IL1RAPL1: variants seen among roughly 807,000 people sequenced by gnomAD.
IL1RAPL1 encodes interleukin-1 receptor accessory protein-like 1.
IL1RAPL1 carries 3 observed loss-of-function variants against 48.4 expected under a neutral mutation model. The ratio of observed to expected loss-of-function variants is 0.06; its 90% CI spans 0.03 to 0.16. The LOEUF (loss-of-function observed/expected upper bound fraction) is 0.16, where lower values mean the gene tolerates loss of function less well. IL1RAPL1 is among the 10% of genes least tolerant of loss of function. The pLI is 1.00. For synonymous variants in IL1RAPL1, 185 were observed against 187.7 expected, an observed-to-expected ratio of 0.99 and a Z score of 0.12; for missense variants, 349 against 530.6, an observed-to-expected ratio of 0.66 and a Z score of 3.36.
chrX:28,778,915 A>G (rs937838055), intron 1 of IL1RAPL1, among the ~76,000 whole-genome samples: 3 of 112,249 alleles, frequency 2.7e-5, no homozygotes, highest in African/African-American at 9.7e-5. Flanking sequence ...GTAATCATAC[A>G]TTATTGTATT....
intron 2 of IL1RAPL1, among the ~76,000 whole-genome samples, chrX:28,956,095 T>G (rs1271270225): frequency 6.5e-5 from 7 of 107,509 alleles, no homozygotes; most frequent in Non-Finnish European, 1.1e-4. Context: ...TGCTTGTGAT[T>G]TTTGTACATT....
intron 6 of IL1RAPL1, among the ~76,000 whole-genome samples, chrX:29,691,735 A>C (rs1926776830): frequency 1.1e-5 from 1 of 92,959 alleles, no homozygotes; most frequent in Non-Finnish European, 2.1e-5. Context: ...TGGGCGACAG[A>C]GCGAGACTCC....
At chrX:28,722,186 A>G in intron 1 of IL1RAPL1, among the ~76,000 whole-genome samples, 1 of 111,622 alleles carries the variant, frequency 9.0e-6, no homozygotes. Context: ...TACCTTGGGC[A>G]GTATGGCCAT....
At chrX:29,935,057 G>A (rs961972112) in intron 8 of IL1RAPL1, among the ~76,000 whole-genome samples, 1 of 110,614 alleles carries the variant, frequency 9.0e-6, no homozygotes, top group Non-Finnish European at 1.9e-5. Context: ...ATTTTTTATA[G>A]TTGTCCCTCA....
At chrX:29,683,016 A>G (rs1312180737) in intron 6 of IL1RAPL1, among the ~76,000 whole-genome samples, 2 of 112,282 alleles carry the variant, frequency 1.8e-5, no homozygotes, top group Admixed American at 1.9e-4. Context: ...AGGGGTTGAA[A>G]GAACAGTTAT....
chrX:28,669,196 T>C (rs774421920), intron 1 of IL1RAPL1, among the ~76,000 whole-genome samples: 70 of 111,705 alleles, frequency 6.3e-4, no homozygotes, highest in Non-Finnish European at 1.2e-3. Flanking sequence ...CTACTTTATT[T>C]CAGGCTCTTT....
At chrX:29,336,269 C>CAT (rs57126796) in intron 3 of IL1RAPL1, among the ~76,000 whole-genome samples, 20,084 of 57,340 alleles carry the variant, frequency 0.35, 3,685 homozygotes, top group East Asian at 0.57. Flanking sequence ...ATATATATGC[C>CAT]ATATATATAT....
chrX:29,513,945 A>C lies in IL1RAPL1; in HGVS notation c.703+114637A>C, dbSNP rs1374882825. 1.8e-5 allele frequency among the ~76,000 whole-genome samples: 2 copies of C among 111,890 alleles called. 1 individual carries two copies. On this transcript the variant is annotated intron_variant, in intron 5 of 10. Coordinates refer to ENST00000378993, the MANE Select transcript of IL1RAPL1 (RefSeq NM_014271.4). ...TTTTTTAGGTCAAAGGTAGTCTTTT[A>C]CAATTTCTGGAAGCTTCTTTAAAAT... is the stretch of plus-strand genomic sequence containing the variant.
chrX:29,121,838 G>A (rs1299484502), intron 2 of IL1RAPL1, among the ~76,000 whole-genome samples: 1 of 111,758 alleles, frequency 8.9e-6, no homozygotes, highest in African/African-American at 3.2e-5. Context: ...AAAGGGCTTT[G>A]TTTTGCCTTC....
intron 6 of IL1RAPL1, among the ~76,000 whole-genome samples, chrX:29,812,071 A>T (rs1166899088): frequency 8.9e-6 from 1 of 112,055 alleles, no homozygotes; most frequent in African/African-American, 3.2e-5. Flanking sequence ...TTGTACAGTA[A>T]AAGTTTGATA....
intron 2 of IL1RAPL1, among the ~76,000 whole-genome samples, chrX:28,924,835 G>T (rs1312994831): frequency 1.8e-5 from 2 of 112,005 alleles, no homozygotes; most frequent in Admixed American, 1.9e-4. Flanking sequence ...ATTCAACTGA[G>T]GAAAGTACAT....
At chrX:29,612,060 A>G (rs930785561) in intron 5 of IL1RAPL1, among the ~76,000 whole-genome samples, 1 of 111,219 alleles carries the variant, frequency 9.0e-6, no homozygotes, top group Admixed American at 9.6e-5. Context: ...ACAAAAGGTA[A>G]CATTTGGATG....
intron 6 of IL1RAPL1, among the ~76,000 whole-genome samples, chrX:29,838,812 T>A (rs1250630649): frequency 3.6e-5 from 4 of 111,708 alleles, no homozygotes; most frequent in South Asian, 3.8e-4. Context: ...CAATTTGGGG[T>A]GGGCTCAGCC....
intron 3 of IL1RAPL1, among the ~76,000 whole-genome samples, chrX:29,307,741 A>G (rs1316651013): frequency 8.9e-6 from 1 of 112,227 alleles, no homozygotes; most frequent in Non-Finnish European, 1.9e-5. Flanking sequence ...GATGCCAAAT[A>G]TAGTAAGAGA....
intron 5 of IL1RAPL1, among the ~76,000 whole-genome samples, chrX:29,531,735 A>T (rs993662722): frequency 8.9e-6 from 1 of 112,171 alleles, no homozygotes; most frequent in Admixed American, 9.4e-5. Context: ...CTCTTGAGGG[A>T]TGATTCTTCC....
At chrX:29,361,550 C>T (rs957235018) in intron 3 of IL1RAPL1, among the ~76,000 whole-genome samples, 2 of 100,878 alleles carry the variant, frequency 2.0e-5, no homozygotes, top group Admixed American at 1.0e-4. Context: ...TAAACACACA[C>T]ACACACACAC....
chrX:29,194,761 A>G (rs749191242), intron 2 of IL1RAPL1, among the ~76,000 whole-genome samples: 1 of 112,210 alleles, frequency 8.9e-6, no homozygotes, highest in Non-Finnish European at 1.9e-5. Flanking sequence ...CTCAGCATTT[A>G]GAGAATTCTC....
At chrX:28,739,518 A>G (rs762143988) in intron 1 of IL1RAPL1, among the ~76,000 whole-genome samples, 10 of 111,500 alleles carry the variant, frequency 9.0e-5, no homozygotes, top group Non-Finnish European at 1.7e-4. Context: ...GGAAGATACC[A>G]TTTATTAATC....
Position 29,292,197 on chromosome X carries a change from C to T in IL1RAPL1, c.362+8980C>T, listed in dbSNP as rs772568007. Reference sequence around the variant, plus strand: ...ACCTTGTGGAAAACACTGCTATAGACAAAATTAAACAATTTTCTGATTCCT... The same window carrying T: ...ACCTTGTGGAAAACACTGCTATAGATAAAATTAAACAATTTTCTGATTCCT... On this transcript the variant is annotated intron_variant, in intron 3 of 10. Coordinates refer to ENST00000378993, the MANE Select transcript of IL1RAPL1 (RefSeq NM_014271.4). 8.9e-5 allele frequency among the ~76,000 whole-genome samples: 10 copies of T among 111,921 alleles called. No homozygotes were observed. The South Asian group carries it at 3.3e-3, about 37-fold the overall frequency.
Sources: allele counts gnomAD v4.1 joint callset (sites outside exome capture counted in the v4.1 genomes callset), GRCh38; gene constraint gnomAD v4.1.1; transcripts MANE v1.5; gene names NCBI Gene and HGNC (gene_info 2026-07-23, HGNC 2026-07-21).